The following STXBP5L variants were observed in gnomAD, a reference collection of about 807,000 sequenced individuals.
STXBP5L encodes the protein syntaxin binding protein 5L.
A neutral mutation model predicts 144.5 loss-of-function variants in STXBP5L; 65 were observed. The ratio of observed to expected loss-of-function variants is 0.45; its 90% CI spans 0.37 to 0.55. STXBP5L has a LOEUF of 0.55. Ranked by LOEUF, STXBP5L falls within the 20% of genes least tolerant of loss-of-function variation. The pLI, the probability that STXBP5L is intolerant of heterozygous loss-of-function variation, is 0.00. For synonymous variants in STXBP5L, 505 were observed against 469.6 expected (o/e 1.08, Z -0.97); for missense variants, 1,298 against 1,405.5 (o/e 0.92, Z 1.22).
chr3:120,927,074 C>T (rs926364925), intron 2 of STXBP5L, among the ~76,000 whole-genome samples: 4 of 151,722 alleles, frequency 2.6e-5, no homozygotes, highest in African/African-American at 9.7e-5. Context: ...TATCTAGGAC[C>T]ACAGGTGCAT....
At chr3:120,908,459 G>A (rs1576398225) in intron 1 of STXBP5L, 125 bp downstream of exon 1, 1 of 156,294 alleles carries the variant, frequency 6.4e-6, no homozygotes, top group African/African-American at 2.4e-5. Flanking sequence ...GAGAGAGAGA[G>A]AGACAGAGAG....
intron 5 of STXBP5L, among the ~76,000 whole-genome samples, chr3:121,089,732 T>G (rs1467525517): frequency 6.6e-6 from 1 of 152,038 alleles, no homozygotes; most frequent in African/African-American, 2.4e-5. Flanking sequence ...CTATTGGTTT[T>G]GTCCCATAGG....
intron 23 of STXBP5L, 39 bp from the exon 24 acceptor site, chr3:121,413,119 A>C: frequency 7.0e-7 from 1 of 1,421,330 alleles, no homozygotes; most frequent in Non-Finnish European, 9.3e-7. Context: ...GCTTCTAACA[A>C]CCTGCATATG....
At chr3:121,262,751 G>A (rs981770418) in intron 18 of STXBP5L, among the ~76,000 whole-genome samples, 4 of 152,172 alleles carry the variant, frequency 2.6e-5, no homozygotes, top group South Asian at 2.1e-4. Context: ...ACAATGGTGG[G>A]ATCAGCACAA....
rs78362723 is a variant in STXBP5L, at chr3:121,165,563, A to G, written c.877+7936A>G. On this transcript the variant is annotated intron_variant, in intron 9 of 26. Coordinates refer to ENST00000471454, the MANE Select transcript of STXBP5L (RefSeq NM_001308330.2). The stretch of plus-strand genomic sequence containing the variant: ...CCTTATCCTGCTTTTGTTGTAGGAA[A>G]AACTGGTTCTTATAACACGACCATG... 2.3e-3 allele frequency among the ~76,000 whole-genome samples: 356 copies of G among 152,316 alleles called. 2 individuals carry two copies. Among genetic ancestry groups the G allele is most frequent in the African/African-American group, 8.0e-3 (331 of 41,562 alleles).
In STXBP5L at chr3:121,419,560, T is replaced by TA. The variant is rs1474407163; in HGVS notation, c.*469dup. On this transcript the variant is annotated 3_prime_UTR_variant, in exon 27 of 27. Transcript: ENST00000471454. ...ATCAATTGGGCCACACTCAACAATT[T>TA]AAAAAATCTGCATTTGAAGATGTCA... 1 of 152,446 alleles carries TA rather than the reference T, an allele frequency of 6.6e-6. No individual in the cohort carries two copies. Among genetic ancestry groups the TA allele is most frequent in the African/African-American group, 2.4e-5 (1 of 41,470 alleles). 9.4% of individuals were successfully genotyped at this position (152,446 alleles called of 1,614,324 possible).
chr3:120,993,629 G>C (rs867583134), intron 3 of STXBP5L, among the ~76,000 whole-genome samples: 1 of 151,886 alleles, frequency 6.6e-6, no homozygotes, highest in Non-Finnish European at 1.5e-5. Context: ...GGATTTATTT[G>C]TGAATTCTGT....
chr3:121,342,653 A>C (rs1303365368), intron 20 of STXBP5L, among the ~76,000 whole-genome samples: 2 of 151,720 alleles, frequency 1.3e-5, no homozygotes, highest in African/African-American at 4.9e-5. Flanking sequence ...AATTTCATCC[A>C]TGTCCCTACA....
chr3:121,238,973 T>C lies in STXBP5L; in HGVS notation c.1187T>C (p.Phe396Ser). The change falls in exon 13 of 27, where the codon TTT becomes TCT. Residue 396 changes from phenylalanine (F) to serine (S), a missense_variant and splice_region_variant. Coordinates refer to ENST00000471454, the MANE Select transcript of STXBP5L (RefSeq NM_001308330.2). ...LIVVDLTQSN[F>S]PIFENPYPMD... The stretch of plus-strand genomic sequence containing the variant: ...GATATATTGTCTTTATCTATTAGTT[T>C]TCCAATCTTTGAAAATCCATATCCC... 6.3e-7 allele frequency: 1 copy of C among 1,584,496 alleles called. No homozygotes were observed. Among genetic ancestry groups the C allele is most frequent in the Non-Finnish European group, 8.6e-7 (1 of 1,162,964 alleles).
chr3:121,117,991 A>T (rs936686870), intron 6 of STXBP5L, among the ~76,000 whole-genome samples: 20 of 151,734 alleles, frequency 1.3e-4, no homozygotes, highest in Admixed American at 1.1e-3. Context: ...CTAACATTTT[A>T]AAAAAATGTA....
At chr3:121,352,932 G>T (rs1048209868) in intron 20 of STXBP5L, among the ~76,000 whole-genome samples, 4 of 152,102 alleles carry the variant, frequency 2.6e-5, no homozygotes, top group Non-Finnish European at 5.9e-5. Context: ...TGCATCTATT[G>T]AGATAATCAT....
At chr3:121,143,398 A>C (rs1185092004) in intron 7 of STXBP5L, among the ~76,000 whole-genome samples, 1 of 151,832 alleles carries the variant, frequency 6.6e-6, no homozygotes, top group African/African-American at 2.4e-5. Context: ...GTAGGTGAAA[A>C]TTCATGATGA....
chr3:121,297,451 A>G (rs1168669689), intron 19 of STXBP5L, among the ~76,000 whole-genome samples: 1 of 152,128 alleles, frequency 6.6e-6, no homozygotes, highest in Admixed American at 6.5e-5. Context: ...AAGAACTATT[A>G]TAAGAATATA....
intron 2 of STXBP5L, among the ~76,000 whole-genome samples, chr3:120,932,723 T>C (rs1223278301): frequency 6.6e-6 from 1 of 152,132 alleles, no homozygotes; most frequent in Non-Finnish European, 1.5e-5. Flanking sequence ...TTATAAATCA[T>C]GCTGCTATAA....
chr3:121,291,212 C>T (rs2051426393), intron 19 of STXBP5L, among the ~76,000 whole-genome samples: 1 of 152,028 alleles, frequency 6.6e-6, no homozygotes, highest in Non-Finnish European at 1.5e-5. Context: ...TTTCAGGATA[C>T]AAAATCAATG....
chr3:121,173,299 G>A (rs540846635), intron 9 of STXBP5L, among the ~76,000 whole-genome samples: 6 of 146,990 alleles, frequency 4.1e-5, no homozygotes, highest in African/African-American at 1.5e-4. Context: ...TGCACGCTTT[G>A]TGCATTTATC....
At chr3:121,134,405 TTC>T (rs1421131478) in intron 7 of STXBP5L, among the ~76,000 whole-genome samples, 4 of 152,136 alleles carry the variant, frequency 2.6e-5, no homozygotes, top group Non-Finnish European at 4.4e-5. Context: ...GAGATTAAAT[TTC>T]TTTTTTTTTA....
intron 7 of STXBP5L, among the ~76,000 whole-genome samples, chr3:121,148,521 C>T (rs2045803600): frequency 1.3e-5 from 2 of 152,036 alleles, no homozygotes; most frequent in Admixed American, 1.3e-4. Context: ...ATGAAAACAT[C>T]CTCCTTAATG....
At chr3:121,015,362 T>G (rs1054827698) in intron 3 of STXBP5L, among the ~76,000 whole-genome samples, 1 of 152,130 alleles carries the variant, frequency 6.6e-6, no homozygotes, top group African/African-American at 2.4e-5. Context: ...GTCTTAAAAT[T>G]AACAACTTTT....
Sources: gnomAD v4.1 joint callset for allele counts (sites outside exome capture counted in the v4.1 genomes callset) on GRCh38, gnomAD v4.1.1 for gene constraint, MANE v1.5 for transcripts, NCBI Gene and HGNC (gene_info 2026-07-23, HGNC 2026-07-21) for gene names.